Variants in NTM observed in about 807,000 individuals in gnomAD.
The protein encoded by NTM is IgLON family member 2.
Under a neutral mutation model 42.1 loss-of-function variants are expected in NTM, and 13 were observed. The ratio of observed to expected loss-of-function variants is 0.31; its 90% CI spans 0.20 to 0.49. The LOEUF (loss-of-function observed/expected upper bound fraction) is 0.49. NTM is among the 20% of genes least tolerant of loss of function. The probability of loss-of-function intolerance (pLI) is 0.99; values close to 1 mark genes in which losing one functional copy is unlikely to be tolerated. For missense variants in NTM, 373 were observed against 452.8 expected (o/e 0.82, Z 1.60); for synonymous variants, 187 against 179.2 (o/e 1.04, Z -0.35).
intron 1 of NTM, among the ~76,000 whole-genome samples, chr11:131,423,740 C>G (rs118077812): frequency 1.3e-5 from 2 of 152,138 alleles, no homozygotes; most frequent in Non-Finnish European, 2.9e-5. Flanking sequence ...AGGCAGGCTG[C>G]CTGGAGGTCA....
chr11:132,110,418 G>A (rs942757161), intron 2 of NTM, among the ~76,000 whole-genome samples: 2 of 152,158 alleles, frequency 1.3e-5, no homozygotes, highest in East Asian at 1.9e-4. Context: ...CTGAATTGTC[G>A]ACATATGGCT....
At chr11:132,308,291 T>G (rs2095165429) in intron 5 of NTM, among the ~76,000 whole-genome samples, 1 of 152,208 alleles carries the variant, frequency 6.6e-6, no homozygotes, top group South Asian at 2.1e-4. Flanking sequence ...CTCATTATTT[T>G]ACAATTATAG....
At chr11:132,055,256 C>T (rs980353320) in intron 2 of NTM, among the ~76,000 whole-genome samples, 3 of 152,168 alleles carry the variant, frequency 2.0e-5, no homozygotes, top group Non-Finnish European at 2.9e-5. Flanking sequence ...TTATGGTGCT[C>T]ACCCCACTCA....
chr11:131,900,379 C>A (rs779519281), intron 1 of NTM, among the ~76,000 whole-genome samples: 4 of 152,218 alleles, frequency 2.6e-5, no homozygotes, highest in Non-Finnish European at 5.9e-5. Context: ...GGATTTGGAG[C>A]TTTATTCAAA....
At chr11:131,527,465 G>A (rs1291324747) in intron 1 of NTM, among the ~76,000 whole-genome samples, 1 of 152,104 alleles carries the variant, frequency 6.6e-6, no homozygotes, top group Non-Finnish European at 1.5e-5. Context: ...TCCCAAATTA[G>A]TTTCCTGGCA....
intron 1 of NTM, among the ~76,000 whole-genome samples, chr11:131,851,973 ACCCGGG>A (rs1430390060): frequency 2.0e-5 from 3 of 152,074 alleles, no homozygotes; most frequent in African/African-American, 7.2e-5. Context: ...CCTGCCTGGA[ACCCGGG>A]TCTGGGGTGC....
chr11:132,043,108 C>G (rs1034634475), intron 2 of NTM, among the ~76,000 whole-genome samples: 2 of 152,104 alleles, frequency 1.3e-5, no homozygotes, highest in African/African-American at 4.8e-5. Context: ...GAATCCTATT[C>G]CATCATTCTA....
intron 1 of NTM, among the ~76,000 whole-genome samples, chr11:131,512,302 A>G (rs369662): frequency 0.15 from 22,860 of 152,180 alleles, 1,922 homozygotes; most frequent in Middle Eastern, 0.22. Context: ...TTCTGAATAT[A>G]TTTAAAATCT....
chr11:132,003,619 G>A lies in NTM; in HGVS notation c.167+91971G>A, dbSNP rs1160181119. The stretch of plus-strand genomic sequence containing the variant: ...TCTGGGGACCACACTTTGAGAATGT[G>A]CTTTCAGCTCAGCTCTGTTGTTCAC... On this transcript the variant is annotated intron_variant, in intron 2 of 8. Transcript: ENST00000683400. The surrounding 1 kb of genome is among the most constrained non-coding windows in gnomAD (Gnocchi z 6.0). Among the ~76,000 whole-genome samples, 2 of 152,114 alleles carry A rather than the reference G, an allele frequency of 1.3e-5. No individual in the cohort carries two copies. Among genetic ancestry groups the A allele is most frequent in the Non-Finnish European group, 2.9e-5 (2 of 68,030 alleles).
chr11:131,755,007 CAGAA>C (rs1013991410), intron 1 of NTM, among the ~76,000 whole-genome samples: 47 of 152,178 alleles, frequency 3.1e-4, no homozygotes, highest in African/African-American at 1.1e-3. Flanking sequence ...TCTAAAGTGA[CAGAA>C]AGCAGAAATG....
At chr11:131,465,152 C>T (rs1440856375) in intron 1 of NTM, among the ~76,000 whole-genome samples, 1 of 152,210 alleles carries the variant, frequency 6.6e-6, no homozygotes, top group African/African-American at 2.4e-5. Context: ...TGGCATGACC[C>T]TCCCATTTGG....
intron 1 of NTM, among the ~76,000 whole-genome samples, chr11:131,684,488 G>C (rs1007149583): frequency 6.6e-6 from 1 of 152,246 alleles, no homozygotes; most frequent in African/African-American, 2.4e-5. Context: ...TCCCCAGCCT[G>C]CAGCTTCCAG....
intron 4 of NTM, among the ~76,000 whole-genome samples, chr11:132,299,281 C>A (rs903682618): frequency 2.6e-5 from 4 of 152,022 alleles, no homozygotes; most frequent in Non-Finnish European, 5.9e-5. Flanking sequence ...GGTGACAGAG[C>A]GAGACTCTGT....
intron 2 of NTM, among the ~76,000 whole-genome samples, chr11:132,025,859 T>C (rs1257106722): frequency 6.6e-6 from 1 of 152,226 alleles, no homozygotes; most frequent in East Asian, 1.9e-4. Flanking sequence ...TTGATTTTCA[T>C]GTCCTAAGCC....
intron 3 of NTM, among the ~76,000 whole-genome samples, chr11:132,201,880 G>A (rs1319695382): frequency 6.6e-6 from 1 of 152,152 alleles, no homozygotes; most frequent in Non-Finnish European, 1.5e-5. Flanking sequence ...CAGTGGCTTC[G>A]AGCACATCAT....
At chr11:132,207,131 T>C (rs2082096987) in intron 3 of NTM, among the ~76,000 whole-genome samples, 1 of 152,172 alleles carries the variant, frequency 6.6e-6, no homozygotes, top group Admixed American at 6.5e-5. Flanking sequence ...TCAGGCCACA[T>C]ACCGATACTG....
Position 131,376,005 on chromosome 11 carries a change from T to G in NTM, c.82+5117T>G, listed in dbSNP as rs142735892. On this transcript the variant is annotated intron_variant, in intron 1 of 8. Coordinates refer to ENST00000683400, the MANE Select transcript of NTM (RefSeq NM_001352005.2). ...CTCTTTCCCTTTTTCTGTTTTCCTT[T>G]CATTTTTCCTTCTCCTCTATGGGAA... Among the ~76,000 whole-genome samples the G allele has an allele frequency of 6.0e-3, 917 of 152,348 alleles. 11 individuals carry two copies. The highest frequency in any genetic ancestry group is 0.021 in the African/African-American group (883 of 41,578).
chr11:131,953,805 A>G (rs1224850813), intron 2 of NTM, among the ~76,000 whole-genome samples: 1 of 152,202 alleles, frequency 6.6e-6, no homozygotes, highest in African/African-American at 2.4e-5. Context: ...TAAGAAATGA[A>G]GAGGAGAAAA....
chr11:131,891,362 C>G (rs989113192), intron 1 of NTM, among the ~76,000 whole-genome samples: 1 of 151,988 alleles, frequency 6.6e-6, no homozygotes, highest in Non-Finnish European at 1.5e-5. Flanking sequence ...TGACAGAGAT[C>G]GAGATGAGGT....
Sources: gnomAD v4.1 joint callset for allele counts (sites outside exome capture counted in the v4.1 genomes callset) on GRCh38, gnomAD v4.1.1 for gene constraint, Gnocchi (gnomAD v3.1) non-coding constraint, MANE v1.5 for transcripts, NCBI Gene and HGNC (gene_info 2026-07-23, HGNC 2026-07-21) for gene names.